Variants in TAS2R1 observed in about 807,000 individuals in gnomAD.
The protein encoded by TAS2R1 is taste receptor type 2 member 1.
For synonymous variants in TAS2R1, 141 were observed against 134.2 expected (o/e 1.05, Z -0.35); for missense variants, 370 against 353.4 (o/e 1.05, Z -0.38).
chr5:9,768,717 GCT>G, the TAS2R1 span, among the ~76,000 whole-genome samples: 1 of 152,190 alleles, frequency 6.6e-6, no homozygotes, highest in Non-Finnish European at 1.5e-5. Flanking sequence ...CTGAAATCCA[GCT>G]CTCTACCAAC....
chr5:9,633,294 T>TATTATATATA (rs1476544403), upstream of TAS2R1, among the ~76,000 whole-genome samples: 20 of 67,814 alleles, frequency 2.9e-4, no homozygotes, highest in African/African-American at 1.4e-3. Context: ...TGTGTGTATA[T>TATTATATATA]TATATATATA....
chr5:9,687,641 C>T (rs888070521), intron 1 of TAS2R1, among the ~76,000 whole-genome samples: 9 of 152,044 alleles, frequency 5.9e-5, no homozygotes, highest in East Asian at 1.9e-4. Context: ...TTTCACTAAC[C>T]GTACTCCCGT....
intron 1 of TAS2R1, among the ~76,000 whole-genome samples, chr5:9,691,315 G>A (rs952765666): frequency 1.3e-5 from 2 of 152,234 alleles, no homozygotes; most frequent in African/African-American, 4.8e-5. Flanking sequence ...GAAGAGGCAA[G>A]GATCCCCCAT....
the TAS2R1 span, among the ~76,000 whole-genome samples, chr5:9,810,315 CTT>C: frequency 6.6e-6 from 1 of 152,216 alleles, no homozygotes; most frequent in East Asian, 1.9e-4. Context: ...ATTCTTCTCT[CTT>C]GACTTCTATG....
chr5:9,821,620 C>T, the TAS2R1 span, among the ~76,000 whole-genome samples: 4 of 152,146 alleles, frequency 2.6e-5, no homozygotes, highest in African/African-American at 9.7e-5. Context: ...ATGCAAGATG[C>T]TATGGCAAAT....
At chr5:9,639,317 CT>C (rs1349722719) in intron 2 of TAS2R1, among the ~76,000 whole-genome samples, 3 of 152,278 alleles carry the variant, frequency 2.0e-5, no homozygotes, top group Non-Finnish European at 4.4e-5. Flanking sequence ...GCTACTTCTA[CT>C]TTTATATTTG....
At chr5:9,633,951 G>A (rs562476895), upstream of TAS2R1, among the ~76,000 whole-genome samples, 2 of 151,836 alleles carry the variant, frequency 1.3e-5, no homozygotes, top group East Asian at 3.9e-4. Context: ...GTTTAATTAG[G>A]TCCCATCTAT....
intron 2 of TAS2R1, among the ~76,000 whole-genome samples, chr5:9,645,059 C>T (rs1579765633): frequency 6.6e-6 from 1 of 152,100 alleles, no homozygotes; most frequent in East Asian, 1.9e-4. Flanking sequence ...TTCTATGCAC[C>T]AGAACAAATT....
intron 2 of TAS2R1, among the ~76,000 whole-genome samples, chr5:9,653,068 A>G (rs535937116): frequency 6.6e-6 from 1 of 152,242 alleles, no homozygotes; most frequent in Admixed American, 6.5e-5. Context: ...AACTGCTAGC[A>G]TCCACCTTTC....
chr5:9,702,120 T>C (rs1741501354), intron 1 of TAS2R1, among the ~76,000 whole-genome samples: 1 of 152,196 alleles, frequency 6.6e-6, no homozygotes, highest in African/African-American at 2.4e-5. Context: ...ATTCTTCTTG[T>C]TTCCCTTAAA....
intron 1 of TAS2R1, among the ~76,000 whole-genome samples, chr5:9,704,193 T>G (rs539498866): frequency 5.8e-4 from 89 of 152,154 alleles, no homozygotes; most frequent in Non-Finnish European, 1.2e-3. Flanking sequence ...AGATCATAAG[T>G]GTTGGACCCC....
At chr5:9,763,062 G>T in the TAS2R1 span, among the ~76,000 whole-genome samples, 1 of 152,142 alleles carries the variant, frequency 6.6e-6, no homozygotes, top group Admixed American at 6.5e-5. Flanking sequence ...GAAAGGACAA[G>T]CATAAATTAA....
At chr5:9,673,745 T>C (rs1740816188) in intron 1 of TAS2R1, among the ~76,000 whole-genome samples, 1 of 152,086 alleles carries the variant, frequency 6.6e-6, no homozygotes, top group Non-Finnish European at 1.5e-5. Context: ...GGATCAGCAA[T>C]GAAGGCAATA....
the TAS2R1 span, among the ~76,000 whole-genome samples, chr5:9,741,460 T>A: frequency 6.6e-6 from 1 of 152,202 alleles, no homozygotes; most frequent in African/African-American, 2.4e-5. Context: ...AACCACCCAC[T>A]CTTTTCCCAG....
At chr5:9,837,233 C>T in the TAS2R1 span, among the ~76,000 whole-genome samples, 2 of 152,264 alleles carry the variant, frequency 1.3e-5, no homozygotes, top group Middle Eastern at 3.4e-3. Flanking sequence ...AGACTCTTCC[C>T]GAGGCATGGA....
the TAS2R1 span, among the ~76,000 whole-genome samples, chr5:9,804,320 G>A: frequency 1.3e-5 from 2 of 152,092 alleles, no homozygotes; most frequent in African/African-American, 4.8e-5. Flanking sequence ...TCCACTGACA[G>A]CACCAGATGG....
the TAS2R1 span, among the ~76,000 whole-genome samples, chr5:9,872,525 T>A: frequency 6.6e-6 from 1 of 152,194 alleles, no homozygotes; most frequent in Non-Finnish European, 1.5e-5. Context: ...GCGCTGGAAA[T>A]AGATATTTAA....
chr5:9,832,704 T>C, the TAS2R1 span, among the ~76,000 whole-genome samples: 2 of 152,198 alleles, frequency 1.3e-5, no homozygotes, highest in African/African-American at 4.8e-5. Context: ...GGTGTAAGAT[T>C]AATGAAAAGA....
the TAS2R1 span, among the ~76,000 whole-genome samples, chr5:9,761,318 T>C: frequency 2.4e-4 from 36 of 152,176 alleles, no homozygotes; most frequent in East Asian, 6.8e-3. Flanking sequence ...TCATTTTTTA[T>C]TTTCCTTGGA....
Sources: gnomAD v4.1 joint callset for allele counts (sites outside exome capture counted in the v4.1 genomes callset) on GRCh38, gnomAD v4.1.1 for gene constraint, MANE v1.5 for transcripts, NCBI Gene and HGNC (gene_info 2026-07-23, HGNC 2026-07-21) for gene names.